FAT4: variants seen among roughly 807,000 people sequenced by gnomAD.
FAT4 encodes the protein protocadherin Fat 4.
In FAT4, 84 loss-of-function variants were observed where a neutral mutation model predicts 303.9. That is an observed-to-expected ratio of 0.28 (90% CI 0.23 to 0.33). The LOEUF is 0.33. Among genes scored for constraint, FAT4 ranks in the 10% least tolerant of loss-of-function variants. The pLI, the probability that FAT4 is intolerant of heterozygous loss-of-function variation, is 1.00. For missense variants in FAT4, 6,005 were observed against 6,146.8 expected (o/e 0.98, Z 0.77); for synonymous variants, 2,307 against 2,298.8 (o/e 1.00, Z -0.10).
In FAT4 at chr4:125,452,144, G is replaced by C. The variant is rs769490380; in HGVS notation, c.11134G>C (p.Asp3712His). ...FFAGFSNATV[D>H]NSILLRLGVP... ...TGCTGGATTTTCCAATGCCACAGTG[G>C]ATAACAGCATCTTACTTCGTCTCGG... is the stretch of plus-strand genomic sequence containing the variant. The change falls in exon 10 of 18, where the codon GAT (aspartate) becomes CAT (histidine). Residue 3712 changes from aspartate to histidine, a missense_variant. Coordinates refer to ENST00000394329, the MANE Select transcript of FAT4 (RefSeq NM_001291303.3). 10 of 1,614,168 alleles carry C rather than the reference G, an allele frequency of 6.2e-6. No individual in the cohort carries two copies. Among genetic ancestry groups the C allele is most frequent in the Non-Finnish European group, 8.5e-6 (10 of 1,180,038 alleles).
At position 125,406,939 on chromosome 4, in the gene FAT4, C is replaced by T. The variant is rs144922340; in HGVS notation, c.5367C>T (p.Ile1789=). 1.0e-4 allele frequency: 163 copies of T among 1,613,806 alleles called. No individual in the cohort carries two copies. The African/African-American group carries it at 1.9e-3, about 19-fold the overall frequency. Reference sequence around the variant, plus strand: ...GTGGAGCTGATGATAGTTTTCGCATCGACCCAGAATCCGGAGATCTGATAG... The same window carrying T: ...GTGGAGCTGATGATAGTTTTCGCATTGACCCAGAATCCGGAGATCTGATAG... The part of the protein sequence containing the change: ...IISGADDSFR[I]DPESGDLIAT... The change falls in exon 4 of 18, where the codon ATC becomes ATT. Residue 1789 remains isoleucine, a synonymous_variant. Coordinates refer to ENST00000394329, the MANE Select transcript of FAT4 (RefSeq NM_001291303.3).
intron 2 of FAT4, among the ~76,000 whole-genome samples, chr4:125,327,475 A>G (rs1216791201): frequency 1.3e-5 from 2 of 152,176 alleles, no homozygotes; most frequent in Middle Eastern, 3.2e-3. Context: ...ACAGCCTGGG[A>G]TAAATTTTTT....
At chr4:125,484,751 A>G (rs924831993) in intron 16 of FAT4, among the ~76,000 whole-genome samples, 41 of 152,262 alleles carry the variant, frequency 2.7e-4, no homozygotes, top group African/African-American at 9.9e-4. Context: ...ACTGTACTAA[A>G]TACTGTAGGC....
Position 125,451,642 on chromosome 4 carries a change from T to C in FAT4, c.10632T>C (p.Gly3544=), listed in dbSNP as rs145948822. 5.6e-6 allele frequency: 9 copies of C among 1,614,106 alleles called. No individual in the cohort carries two copies. In the South Asian group the frequency reaches 9.9e-5, roughly 18 times the overall value. Residue 3544 remains glycine (G), a synonymous_variant, in exon 10 of 18, where the codon GGT becomes GGC. Transcript: ENST00000394329. ...STDPDLPPNQ[G]PFTYYLLSTG... Reference sequence around the variant, plus strand: ...ACCCTGATCTCCCTCCAAATCAAGGTCCCTTTACTTATTACTTGCTGAGCA... The same window carrying C: ...ACCCTGATCTCCCTCCAAATCAAGGCCCCTTTACTTATTACTTGCTGAGCA...
Position 125,315,234 on chromosome 4 carries a change from C to G in FAT4, c.-756C>G, listed in dbSNP as rs1445278196. Among the ~76,000 whole-genome samples the G allele has an allele frequency of 6.6e-6, 1 of 151,802 alleles. No homozygotes were observed. Among genetic ancestry groups the G allele is most frequent in the Admixed American group, 6.6e-5 (1 of 15,254 alleles). On this transcript the variant is annotated 5_prime_UTR_variant, in exon 1 of 18. Coordinates refer to ENST00000394329, the MANE Select transcript of FAT4 (RefSeq NM_001291303.3). ...AGGGAGAGCGCTGACAGGCGCCGTC[C>G]GGAGCTGCGGAGGGCGTCACTACAG...
At chr4:125,328,707 C>T (rs1308751708) in intron 2 of FAT4, among the ~76,000 whole-genome samples, 1 of 152,100 alleles carries the variant, frequency 6.6e-6, no homozygotes, top group African/African-American at 2.4e-5. Flanking sequence ...TGCTGTCTTG[C>T]CTTTGCAATG....
At chr4:125,471,138 A>C (rs1316491975) in intron 12 of FAT4, among the ~76,000 whole-genome samples, 2 of 152,244 alleles carry the variant, frequency 1.3e-5, no homozygotes, top group African/African-American at 2.4e-5. Context: ...AACATTTATC[A>C]ATTAAGCTTG....
Position 125,448,476 on chromosome 4 carries a change from C to T in FAT4, c.7466C>T (p.Ala2489Val), listed in dbSNP as rs144853732. The T allele has an allele frequency of 7.1e-4, 1,140 of 1,601,518 alleles. 16 individuals carry two copies. The South Asian group carries it at 0.011, about 16-fold the overall frequency. ...TCTTTTATAGGTTCCTTTGTCTTTG[C>T]GGTTACAGTCACAGATGCTGATATT... is the stretch of plus-strand genomic sequence containing the variant. ...SPTLPGSFVF[A>V]VTVTDADIGP... is the part of the protein sequence containing the mutation. Residue 2489 changes from alanine (A) to valine (V), a missense_variant, in exon 10 of 18, where the codon GCG becomes GTG. Transcript: ENST00000394329.
At position 125,408,748 on chromosome 4, in the gene FAT4, T is replaced by C. The variant is rs755184893; in HGVS notation, c.5874T>C (p.Pro1958=). 3.7e-5 allele frequency: 60 copies of C among 1,603,342 alleles called. No individual in the cohort carries two copies. The highest frequency in any genetic ancestry group is 4.8e-5 in the Non-Finnish European group (56 of 1,174,212). Residue 1958 remains proline, a synonymous_variant, in exon 5 of 18, where the codon CCT becomes CCC. Coordinates refer to ENST00000394329, the MANE Select transcript of FAT4 (RefSeq NM_001291303.3). The stretch of plus-strand genomic sequence containing the variant: ...GCACATCTTTAATGGAGAATCTACC[T>C]GTGGGATCTACTGTTCTTGTGTTTA... ...SYSTSLMENL[P]VGSTVLVFNV...
Position 125,487,588 on chromosome 4 carries a change from C to T in FAT4, c.13066C>T (p.His4356Tyr). The change falls in exon 17 of 18, where the codon CAT (histidine) becomes TAT (tyrosine). Residue 4356 changes from histidine to tyrosine, a missense_variant. By Grantham distance (83) the His-to-Tyr change is moderately conservative (BLOSUM62 2). Coordinates refer to ENST00000394329, the MANE Select transcript of FAT4 (RefSeq NM_001291303.3). ...SLGGIPPNQA[H>Y]RDAQTAGFDG... ...TGGAGGAATTCCACCCAATCAAGCA[C>T]ATCGAGATGCCCAAACAGGTAAATG... The T allele has an allele frequency of 6.2e-7, 1 of 1,608,350 alleles. No individual in the cohort carries two copies. Among genetic ancestry groups the T allele is most frequent in the Non-Finnish European group, 8.5e-7 (1 of 1,176,876 alleles).
intron 8 of FAT4, among the ~76,000 whole-genome samples, chr4:125,439,357 G>A (rs1421758033): frequency 6.7e-5 from 10 of 149,480 alleles, no homozygotes; most frequent in Admixed American, 6.6e-5. Context: ...TTTTGAGATG[G>A]AGTCTCGCTC....
chr4:125,472,565 A>G (rs71610130), intron 12 of FAT4, among the ~76,000 whole-genome samples: 2,637 of 152,292 alleles, frequency 0.017, 37 homozygotes, highest in Non-Finnish European at 0.029. Flanking sequence ...ACCAGTACAC[A>G]TAACAGACAA....
intron 11 of FAT4, among the ~76,000 whole-genome samples, chr4:125,464,738 A>G (rs184730646): frequency 0.021 from 3,256 of 151,996 alleles, 126 homozygotes; most frequent in African/African-American, 0.076. Context: ...TCATTGTTCA[A>G]TTCCCACCTA....
intron 2 of FAT4, among the ~76,000 whole-genome samples, chr4:125,342,783 GTT>G (rs1162568344): frequency 1.3e-5 from 2 of 151,786 alleles, no homozygotes; most frequent in Non-Finnish European, 2.9e-5. Context: ...AGCTAAGAAT[GTT>G]AAAATGAGAT....
chr4:125,468,753 G>C lies in FAT4; in HGVS notation c.12147G>C (p.Lys4049Asn). 3 of 1,614,052 alleles carry C rather than the reference G, an allele frequency of 1.9e-6. No homozygotes were observed. The South Asian group carries it at 3.3e-5, about 18-fold the overall frequency. ...ATAATTTAGGCAGTGGTACATATAA[G>C]CTCACCACCATGAAGAAGGTGTCAG... ...FSYNLGSGTY[K>N]LTTMKKVSDG... Residue 4049 changes from lysine to asparagine, a missense_variant, in exon 12 of 18, where the codon AAG (lysine) becomes AAC (asparagine). Physicochemically the swap from Lys to Asn is moderately conservative, Grantham distance 94 (BLOSUM62 0). Transcript: ENST00000394329.
intron 2 of FAT4, among the ~76,000 whole-genome samples, chr4:125,376,403 G>C (rs140117420): frequency 5.3e-4 from 81 of 152,202 alleles, no homozygotes; most frequent in African/African-American, 1.6e-3. Flanking sequence ...TGGACACAGG[G>C]TGGGAAACAT....
chr4:125,425,478 G>A, intron 7 of FAT4, among the ~76,000 whole-genome samples: 1 of 151,986 alleles, frequency 6.6e-6, no homozygotes, highest in East Asian at 1.9e-4. Flanking sequence ...CATTGGTTTA[G>A]GAAGCAAAAA....
At chr4:125,331,806 C>T (rs1022579217) in intron 2 of FAT4, among the ~76,000 whole-genome samples, 16 of 152,114 alleles carry the variant, frequency 1.1e-4, no homozygotes. Flanking sequence ...ATTTACCATC[C>T]TTGTTCAACA....
chr4:125,396,526 G>A (rs1734177511), intron 2 of FAT4, among the ~76,000 whole-genome samples: 1 of 151,624 alleles, frequency 6.6e-6, no homozygotes. Context: ...GTTCTTCCCT[G>A]CACATACACA....
Sources: gnomAD v4.1 joint callset for allele counts (sites outside exome capture counted in the v4.1 genomes callset) on GRCh38, gnomAD v4.1.1 for gene constraint, MANE v1.5 for transcripts, NCBI Gene and HGNC (gene_info 2026-07-23, HGNC 2026-07-21) for gene names.